CCDC181: variants seen among roughly 807,000 people sequenced by gnomAD.
CCDC181 encodes the protein coiled-coil domain-containing protein 181.
In CCDC181, 35 loss-of-function variants were observed where a neutral mutation model predicts 58.7. The ratio of observed to expected loss-of-function variants is 0.60; its 90% CI spans 0.46 to 0.79. The LOEUF (loss-of-function observed/expected upper bound fraction) is 0.79. Ranked by LOEUF, CCDC181 falls within the 30% of genes least tolerant of loss-of-function variation. The pLI, the probability that CCDC181 is intolerant of heterozygous loss-of-function variation, is 0.00. For synonymous variants in CCDC181, 183 were observed against 197.5 expected (o/e 0.93, Z 0.62); for missense variants, 517 against 583.9 (o/e 0.89, Z 1.18).
At chr1:169,433,127 A>G (rs1229383916) in intron 2 of CCDC181, among the ~76,000 whole-genome samples, 2 of 152,110 alleles carry the variant, frequency 1.3e-5, no homozygotes, top group Admixed American at 6.6e-5. Context: ...TAGAATTAAT[A>G]CATTCAGCAA....
At chr1:169,447,753 C>T (rs949781159) in intron 2 of CCDC181, among the ~76,000 whole-genome samples, 1 of 152,078 alleles carries the variant, frequency 6.6e-6, no homozygotes, top group Non-Finnish European at 1.5e-5. Flanking sequence ...TTATGTAATG[C>T]CTCTCTATCT....
Position 169,397,353 on chromosome 1 carries a change from C to A in CCDC181, c.1254G>T (p.Trp418Cys), listed in dbSNP as rs1655107673. The A allele has an allele frequency of 6.2e-7, 1 of 1,609,066 alleles. No individual in the cohort carries two copies. Among genetic ancestry groups the A allele is most frequent in the African/African-American group, 1.3e-5 (1 of 74,564 alleles). Residue 418 changes from tryptophan to cysteine, a missense_variant, in exon 5 of 6, where the codon TGG becomes TGT. By Grantham distance (215) the Trp-to-Cys change is radical. Coordinates refer to ENST00000367806, the MANE Select transcript of CCDC181 (RefSeq NM_001300969.2). ...NRDPQQAFRL[W>C]LKKKHEEQMK... ...TCTGCTCTTCGTGCTTTTTTTTAAGCCATAATCGAAAAGCTTGTTGTGGAT... is the reference window on the plus strand; with the variant it reads ...TCTGCTCTTCGTGCTTTTTTTTAAGACATAATCGAAAAGCTTGTTGTGGAT...
At chr1:169,430,521 A>G (rs1056188624), upstream of CCDC181, among the ~76,000 whole-genome samples, 2 of 152,086 alleles carry the variant, frequency 1.3e-5, no homozygotes, top group Admixed American at 1.3e-4. Context: ...TTGGTTAGGT[A>G]TATTCCTAAG....
chr1:169,460,369 C>T (rs1230335422), exon 1 of CCDC181: 1 of 152,222 alleles, frequency 6.6e-6, no homozygotes, highest in African/African-American at 2.4e-5. Context: ...CAGAGTTCGA[C>T]TCCTCCTCCT....
chr1:169,437,686 A>C (rs879353726), intron 2 of CCDC181, among the ~76,000 whole-genome samples: 2 of 152,158 alleles, frequency 1.3e-5, no homozygotes, highest in Admixed American at 6.5e-5. Flanking sequence ...AGAAGAGAGG[A>C]GTGGAACCAC....
intron 4 of CCDC181, among the ~76,000 whole-genome samples, chr1:169,415,609 A>T (rs975222897): frequency 2.0e-5 from 3 of 152,012 alleles, no homozygotes; most frequent in Non-Finnish European, 2.9e-5. Flanking sequence ...ATTCCCCCAT[A>T]CGTCTTCTGA....
At chr1:169,404,094 C>T (rs888101650) in intron 4 of CCDC181, among the ~76,000 whole-genome samples, 21 of 152,160 alleles carry the variant, frequency 1.4e-4, no homozygotes, top group African/African-American at 5.1e-4. Flanking sequence ...CACATACACC[C>T]TCCCAAGACT....
chr1:169,458,507 G>A (rs1308582543), intron 2 of CCDC181, among the ~76,000 whole-genome samples: 1 of 152,126 alleles, frequency 6.6e-6, no homozygotes, highest in East Asian at 1.9e-4. Flanking sequence ...GAGTGCAGGA[G>A]CTTCTGTCCC....
intron 1 of CCDC181, among the ~76,000 whole-genome samples, chr1:169,425,504 T>G (rs1280417218): frequency 2.6e-5 from 4 of 152,222 alleles, no homozygotes; most frequent in Admixed American, 6.5e-5. Flanking sequence ...AGTAAGCCCT[T>G]CAATAATTTC....
chr1:169,409,234 G>A (rs1455965785), intron 4 of CCDC181, among the ~76,000 whole-genome samples: 2 of 152,198 alleles, frequency 1.3e-5, no homozygotes, highest in African/African-American at 4.8e-5. Context: ...TGAGAACTTC[G>A]TGAAACATAC....
intron 4 of CCDC181, among the ~76,000 whole-genome samples, chr1:169,404,318 G>C (rs1331396049): frequency 6.6e-6 from 1 of 152,152 alleles, no homozygotes; most frequent in African/African-American, 2.4e-5. Context: ...TATAAGGCCA[G>C]CATCATCCTG....
intron 4 of CCDC181, among the ~76,000 whole-genome samples, chr1:169,408,491 T>C (rs1439277794): frequency 6.6e-6 from 1 of 152,218 alleles, no homozygotes; most frequent in Non-Finnish European, 1.5e-5. Context: ...TCAATGTCCC[T>C]GCCTGCCAGC....
chr1:169,422,072 TC>T lies in CCDC181; in HGVS notation c.358del (p.Asp120MetfsTer4). 1 of 1,613,828 alleles carries T rather than the reference TC, an allele frequency of 6.2e-7. No individual in the cohort carries two copies. Among genetic ancestry groups the T allele is most frequent in the Non-Finnish European group, 8.5e-7 (1 of 1,179,882 alleles). On this transcript the variant is annotated frameshift_variant, in exon 3 of 6. Transcript: ENST00000367806. LOFTEE classifies it high-confidence loss of function. ...CATAATATATCTCCTTACTTCCTCA[TC>T]CTCTTCCTCCTCCAAGTCTTTCTGG... Reference protein sequence around the residue: ...ESQKDLEEEEDEEVRRYIMEK... With the variant: ...ESQKDLEEEEXEEVRRYIMEK...
chr1:169,404,909 C>G (rs1046954090), intron 4 of CCDC181, among the ~76,000 whole-genome samples: 2 of 152,112 alleles, frequency 1.3e-5, no homozygotes, highest in African/African-American at 4.8e-5. Context: ...ATTTAGAAAC[C>G]CCATCGTCTC....
At chr1:169,411,260 C>T (rs1269363883) in intron 4 of CCDC181, among the ~76,000 whole-genome samples, 1 of 152,114 alleles carries the variant, frequency 6.6e-6, no homozygotes, top group African/African-American at 2.4e-5. Flanking sequence ...GTATAAACAC[C>T]TTTATGCAAA....
intron 2 of CCDC181, among the ~76,000 whole-genome samples, chr1:169,435,299 C>T (rs1324652789): frequency 1.3e-5 from 2 of 151,942 alleles, no homozygotes; most frequent in African/African-American, 2.4e-5. Flanking sequence ...TGAAAATGAA[C>T]TAGTGTTTGC....
intron 4 of CCDC181, among the ~76,000 whole-genome samples, chr1:169,412,348 C>A (rs1345304637): frequency 1.3e-5 from 2 of 152,126 alleles, no homozygotes; most frequent in African/African-American, 2.4e-5. Context: ...AGGAGACCTA[C>A]AAACCACCAC....
At chr1:169,441,138 G>A (rs1249267195) in intron 2 of CCDC181, among the ~76,000 whole-genome samples, 1 of 151,946 alleles carries the variant, frequency 6.6e-6, no homozygotes, top group East Asian at 1.9e-4. Context: ...AGCAGCAATG[G>A]CATTTTAGGC....
In CCDC181 at chr1:169,419,042, C is replaced by T; in HGVS notation, c.1186G>A (p.Ala396Thr). 1.2e-6 allele frequency: 2 copies of T among 1,613,620 alleles called. No individual in the cohort carries two copies. Among genetic ancestry groups the T allele is most frequent in the Non-Finnish European group, 1.7e-6 (2 of 1,179,856 alleles). ...CTGTTCATGTCTTCAATTTCCTTTG[C>T]TCGCTGAATTCTCCTCATTTCTAAG... ...QVLEMRRIQRAKEIEDMNSRQ... is the reference protein window; with the variant it reads ...QVLEMRRIQRTKEIEDMNSRQ... Residue 396 changes from alanine (A) to threonine (T), a missense_variant, in exon 4 of 6, where the codon GCA becomes ACA. Transcript: ENST00000367806.
Sources: allele counts gnomAD v4.1 joint callset (sites outside exome capture counted in the v4.1 genomes callset), GRCh38; gene constraint gnomAD v4.1.1; transcripts MANE v1.5; gene names NCBI Gene and HGNC (gene_info 2026-07-23, HGNC 2026-07-21).